TBC1D22A: variants seen among roughly 807,000 people sequenced by gnomAD.
TBC1D22A encodes the protein putative GTPase activator.
TBC1D22A carries 38 observed loss-of-function variants against 60.2 expected under a neutral mutation model. The observed-to-expected ratio is 0.63, with a 90% CI of 0.49 to 0.83. The LOEUF is 0.83. Ranked by LOEUF, TBC1D22A falls within the 40% of genes least tolerant of loss-of-function variation. The probability of loss-of-function intolerance (pLI) is 0.00; values close to 1 mark genes in which losing one functional copy is unlikely to be tolerated. For missense variants in TBC1D22A, 628 were observed against 701.0 expected (o/e 0.90, Z 1.18); for synonymous variants, 302 against 281.7 (o/e 1.07, Z -0.72).
At chr22:47,129,993 C>T (rs900919440) in intron 12 of TBC1D22A, among the ~76,000 whole-genome samples, 16 of 152,250 alleles carry the variant, frequency 1.1e-4, no homozygotes, top group Non-Finnish European at 1.8e-4. Flanking sequence ...TCCCAGCACA[C>T]GGCCATGCCC....
intron 1 of TBC1D22A, among the ~76,000 whole-genome samples, chr22:46,766,773 T>C (rs111443121): frequency 0.087 from 13,184 of 152,164 alleles, 697 homozygotes; most frequent in Middle Eastern, 0.12. Context: ...CTTGACCTCA[T>C]GATCCGCCCG....
chr22:47,014,189 C>T (rs893885581), intron 10 of TBC1D22A, among the ~76,000 whole-genome samples: 11 of 152,320 alleles, frequency 7.2e-5, no homozygotes, highest in East Asian at 1.9e-4. Context: ...CTTTCTGCAG[C>T]GGTGGCCCGG....
intron 1 of TBC1D22A, chr22:46,774,008 A>T: frequency 2.0e-6 from 2 of 985,534 alleles, no homozygotes; most frequent in Non-Finnish European, 2.4e-6. Context: ...TGAAATTATT[A>T]CAGAGAAAGC....
intron 4 of TBC1D22A, among the ~76,000 whole-genome samples, chr22:46,872,010 G>T (rs131860): frequency 6.6e-6 from 1 of 151,986 alleles, no homozygotes; most frequent in African/African-American, 2.4e-5. Flanking sequence ...CATTAAAAAG[G>T]TAATAAGGGA....
chr22:47,150,495 C>A (rs1474526346), intron 12 of TBC1D22A, among the ~76,000 whole-genome samples: 5 of 152,218 alleles, frequency 3.3e-5, no homozygotes, highest in Admixed American at 2.0e-4. Context: ...CCCGCGTACA[C>A]CTGAGGCGGT....
intron 4 of TBC1D22A, among the ~76,000 whole-genome samples, chr22:46,878,013 C>T (rs375865753): frequency 7.2e-5 from 11 of 152,212 alleles, no homozygotes; most frequent in African/African-American, 2.2e-4. Flanking sequence ...CCTCCCTACT[C>T]GTGATTTTTT....
chr22:46,819,860 C>T (rs2085754052), intron 4 of TBC1D22A, among the ~76,000 whole-genome samples: 1 of 152,172 alleles, frequency 6.6e-6, no homozygotes, highest in Admixed American at 6.5e-5. Context: ...GTGAATTTGT[C>T]TGGTCCTGGA....
rs2067913665 is a variant in TBC1D22A, at chr22:46,882,717, G to A, written c.708+3994G>A. 2.6e-5 allele frequency among the ~76,000 whole-genome samples: 4 copies of A among 152,200 alleles called. No homozygotes were observed. The South Asian group carries it at 8.3e-4, about 32-fold the overall frequency. On this transcript the variant is annotated intron_variant, in intron 5 of 12. Transcript: ENST00000337137. The stretch of plus-strand genomic sequence containing the variant: ...CTGTGAGTCCTTCCAGGATCCAGAG[G>A]TTAACAGTTACGCCCAGAATTGAGA...
intron 1 of TBC1D22A, among the ~76,000 whole-genome samples, chr22:46,767,795 C>T (rs2083336533): frequency 6.6e-6 from 1 of 151,942 alleles, no homozygotes; most frequent in Non-Finnish European, 1.5e-5. Flanking sequence ...TGAGCAGGTG[C>T]AGAGGACTCC....
chr22:47,154,853 C>T (rs1212783325), intron 12 of TBC1D22A, among the ~76,000 whole-genome samples: 2 of 152,246 alleles, frequency 1.3e-5, no homozygotes, highest in Admixed American at 1.3e-4. Flanking sequence ...CTGGCCTTGT[C>T]CTCTGGCGTT....
chr22:46,970,272 A>G (rs1022590515), intron 8 of TBC1D22A, among the ~76,000 whole-genome samples: 6 of 144,628 alleles, frequency 4.1e-5, no homozygotes, highest in African/African-American at 1.6e-4. Context: ...ATTAGGCCCC[A>G]CCCTCCGTTG....
intron 11 of TBC1D22A, among the ~76,000 whole-genome samples, chr22:47,102,349 T>G (rs2065452744): frequency 6.6e-6 from 1 of 152,120 alleles, no homozygotes; most frequent in African/African-American, 2.4e-5. Flanking sequence ...CACAGCCTCC[T>G]CCTGCTTGAC....
chr22:47,046,951 G>C (rs1048329287), intron 11 of TBC1D22A, among the ~76,000 whole-genome samples: 1 of 152,210 alleles, frequency 6.6e-6, no homozygotes, highest in African/African-American at 2.4e-5. Context: ...GCCACAAAGA[G>C]TGTACTTTCT....
intron 8 of TBC1D22A, among the ~76,000 whole-genome samples, chr22:46,958,944 C>T (rs1054101244): frequency 1.4e-4 from 21 of 152,206 alleles, no homozygotes; most frequent in African/African-American, 4.6e-4. Flanking sequence ...CGACACAATA[C>T]ACCATGCTCA....
intron 8 of TBC1D22A, among the ~76,000 whole-genome samples, chr22:46,967,890 TAC>T (rs2073882261): frequency 6.6e-6 from 1 of 151,992 alleles, no homozygotes. Context: ...AATTACAAGC[TAC>T]GATTCCAGTG....
intron 8 of TBC1D22A, among the ~76,000 whole-genome samples, chr22:46,955,577 ATTCT>A (rs1411792078): frequency 1.3e-5 from 2 of 152,218 alleles, no homozygotes; most frequent in Admixed American, 1.3e-4. Flanking sequence ...ATAAATTAAA[ATTCT>A]TTCTTTTAGA....
chr22:46,775,084 C>T (rs2083647098), intron 1 of TBC1D22A, among the ~76,000 whole-genome samples: 1 of 152,236 alleles, frequency 6.6e-6, no homozygotes, highest in Non-Finnish European at 1.5e-5. Flanking sequence ...TGGATGAGCT[C>T]CTGATCCTTG....
intron 4 of TBC1D22A, among the ~76,000 whole-genome samples, chr22:46,876,858 G>C (rs2067591373): frequency 6.6e-6 from 1 of 152,242 alleles, no homozygotes. Context: ...GATTCTGCTA[G>C]AAAGATGTAC....
At chr22:46,790,319 G>A (rs1341213167) in intron 1 of TBC1D22A, among the ~76,000 whole-genome samples, 3 of 152,222 alleles carry the variant, frequency 2.0e-5, no homozygotes, top group Non-Finnish European at 4.4e-5. Context: ...CAGCCAGGAA[G>A]GTTCTCTGCT....
Sources: allele counts gnomAD v4.1 joint callset (sites outside exome capture counted in the v4.1 genomes callset), GRCh38; gene constraint gnomAD v4.1.1; transcripts MANE v1.5; gene names NCBI Gene and HGNC (gene_info 2026-07-23, HGNC 2026-07-21).